Variants in SPMIP2 observed in about 807,000 individuals in gnomAD.
SPMIP2 encodes the protein sperm microtubule inner protein 2, also known as protein SPMIP2.
the SPMIP2 span, among the ~76,000 whole-genome samples, chr4:158,908,411 A>G: frequency 6.6e-6 from 1 of 152,186 alleles, no homozygotes; most frequent in Non-Finnish European, 1.5e-5. Context: ...AACACAATGT[A>G]TTTTTACATG....
the SPMIP2 span, among the ~76,000 whole-genome samples, chr4:158,978,621 T>G: frequency 6.6e-6 from 1 of 152,218 alleles, no homozygotes; most frequent in Non-Finnish European, 1.5e-5. Flanking sequence ...GCATATATAT[T>G]TAAGATATTT....
the SPMIP2 span, among the ~76,000 whole-genome samples, chr4:158,963,937 T>G: frequency 1.3e-5 from 2 of 151,950 alleles, no homozygotes; most frequent in Admixed American, 1.3e-4. Context: ...GGGCAGATCA[T>G]GAGGTCAGGA....
chr4:159,048,098 T>A, the SPMIP2 span, among the ~76,000 whole-genome samples: 3 of 152,248 alleles, frequency 2.0e-5, no homozygotes, highest in Non-Finnish European at 2.9e-5. Flanking sequence ...GGTACTGTTT[T>A]GCCTTTTTGC....
the SPMIP2 span, among the ~76,000 whole-genome samples, chr4:158,928,160 G>T: frequency 2.0e-5 from 3 of 152,244 alleles, no homozygotes; most frequent in South Asian, 6.2e-4. Context: ...AAGCCAGCTG[G>T]GCTCCTGAGT....
At chr4:159,044,969 T>C in the SPMIP2 span, among the ~76,000 whole-genome samples, 1,396 of 152,178 alleles carry the variant, frequency 9.2e-3, 25 homozygotes, top group African/African-American at 0.032. Context: ...CAGCTGCCTG[T>C]AGTCCCAGCT....
At chr4:158,906,952 T>A in the SPMIP2 span, 1 of 152,022 alleles carries the variant, frequency 6.6e-6, no homozygotes, top group Non-Finnish European at 1.5e-5. Flanking sequence ...CATAAAACAA[T>A]TTTTTTTAAA....
the SPMIP2 span, among the ~76,000 whole-genome samples, chr4:159,057,889 G>C: frequency 5.3e-5 from 8 of 152,182 alleles, no homozygotes; most frequent in Non-Finnish European, 1.0e-4. Flanking sequence ...GTTTGAGACA[G>C]GGGCTCACTC....
the SPMIP2 span, among the ~76,000 whole-genome samples, chr4:159,068,598 C>T: frequency 8.6e-5 from 13 of 151,780 alleles, no homozygotes; most frequent in Non-Finnish European, 1.8e-4. Context: ...CAACATGGCA[C>T]ATGCATACAT....
At chr4:159,054,029 A>G in the SPMIP2 span, among the ~76,000 whole-genome samples, 9 of 152,196 alleles carry the variant, frequency 5.9e-5, no homozygotes, top group Admixed American at 6.5e-5. Flanking sequence ...GCTGGAGTAT[A>G]GTGGTGCAAT....
At chr4:158,949,336 A>G in the SPMIP2 span, among the ~76,000 whole-genome samples, 29 of 152,320 alleles carry the variant, frequency 1.9e-4, no homozygotes, top group Middle Eastern at 3.4e-3. Context: ...GTGATAAATT[A>G]TATGGTCATA....
chr4:158,960,454 A>G, the SPMIP2 span: 1 of 609,280 alleles, frequency 1.6e-6, no homozygotes, highest in South Asian at 2.3e-5. Flanking sequence ...AATGAAATAG[A>G]AAATGCTAAA....
chr4:158,973,157 G>C, the SPMIP2 span: 1 of 1,612,670 alleles, frequency 6.2e-7, no homozygotes, highest in East Asian at 2.2e-5. Flanking sequence ...TTTCACTGAC[G>C]TACTCATGTT....
At chr4:159,016,676 C>T in the SPMIP2 span, among the ~76,000 whole-genome samples, 8 of 152,132 alleles carry the variant, frequency 5.3e-5, no homozygotes, top group African/African-American at 1.9e-4. Flanking sequence ...AGCGTGCTTG[C>T]CAGCTAAAAA....
At chr4:159,056,865 G>A in the SPMIP2 span, among the ~76,000 whole-genome samples, 10 of 152,162 alleles carry the variant, frequency 6.6e-5, no homozygotes, top group Non-Finnish European at 1.3e-4. Flanking sequence ...GAAGTAGGCC[G>A]TTCATTCTAT....
chr4:158,979,512 C>T, the SPMIP2 span, among the ~76,000 whole-genome samples: 2 of 152,198 alleles, frequency 1.3e-5, no homozygotes, highest in Non-Finnish European at 2.9e-5. Flanking sequence ...TCTGCATTTC[C>T]AACTGAGGTA....
At chr4:158,905,558 A>G in the SPMIP2 span, 2 of 152,222 alleles carry the variant, frequency 1.3e-5, no homozygotes, top group Non-Finnish European at 2.9e-5. Context: ...ACATTTAGAA[A>G]AAATTCATAT....
At chr4:158,975,859 G>A in the SPMIP2 span, among the ~76,000 whole-genome samples, 4 of 152,140 alleles carry the variant, frequency 2.6e-5, no homozygotes, top group African/African-American at 9.7e-5. Context: ...GCTTGATGGG[G>A]ATAGTATTGA....
the SPMIP2 span, among the ~76,000 whole-genome samples, chr4:159,033,113 T>C: frequency 6.6e-6 from 1 of 151,844 alleles, no homozygotes. Context: ...TATTATTCAG[T>C]GGTAAAAAGA....
the SPMIP2 span, chr4:159,007,337 A>G: frequency 4.2e-6 from 3 of 718,800 alleles, no homozygotes; most frequent in South Asian, 4.0e-5. Context: ...CCCTCCACCC[A>G]AGGATGATGA....
Sources: gnomAD v4.1 joint callset for allele counts (sites outside exome capture counted in the v4.1 genomes callset) on GRCh38, gnomAD v4.1.1 for gene constraint, MANE v1.5 for transcripts, NCBI Gene and HGNC (gene_info 2026-07-23, HGNC 2026-07-21) for gene names.